The following SH3PXD2B variants were observed in gnomAD, a reference collection of about 807,000 sequenced individuals.
SH3PXD2B encodes SH3 and PX domains 2B.
Under a neutral mutation model 73.1 loss-of-function variants are expected in SH3PXD2B, and 37 were observed. The observed-to-expected ratio is 0.51, with a 90% CI of 0.39 to 0.67. SH3PXD2B has a LOEUF of 0.67. SH3PXD2B is among the 30% of genes least tolerant of loss of function. The pLI, the probability that SH3PXD2B is intolerant of heterozygous loss-of-function variation, is 0.00. For synonymous variants in SH3PXD2B, 457 were observed against 480.5 expected (o/e 0.95, Z 0.64); for missense variants, 1,053 against 1,197.8 (o/e 0.88, Z 1.78).
chr5:172,325,283 T>C, exon 13 of SH3PXD2B: 1 of 1,534,708 alleles, frequency 6.5e-7, no homozygotes, highest in Non-Finnish European at 8.7e-7. Context: ...TTCTCACATC[T>C]CCATGGAAGC....
chr5:172,413,236 C>T (rs1758742998), intron 2 of SH3PXD2B, among the ~76,000 whole-genome samples: 1 of 152,248 alleles, frequency 6.6e-6, no homozygotes, highest in African/African-American at 2.4e-5. Flanking sequence ...GGGCCCTGAA[C>T]ACAACGGTGT....
At chr5:172,373,580 G>GCATGCATC (rs1554137457) in intron 6 of SH3PXD2B, among the ~76,000 whole-genome samples, 2 of 147,778 alleles carry the variant, frequency 1.4e-5, no homozygotes, top group African/African-American at 2.5e-5. Context: ...AATCAATCAA[G>GCATGCATC]CATCCATCCA....
chr5:172,350,344 T>A lies in SH3PXD2B; in HGVS notation c.1012+19A>T. 6.2e-7 allele frequency: 1 copy of A among 1,612,160 alleles called. No homozygotes were observed. The highest frequency in any genetic ancestry group is 8.5e-7 in the Non-Finnish European group (1 of 1,179,066). ...CACAGGGGCCCTGATTATCAGGAGC[T>A]TGGGCGGGTGTCACTCACTCTGCTT... On this transcript the variant is annotated intron_variant, in intron 10 of 12. Transcript: ENST00000311601.
At chr5:172,368,444 T>C (rs1757574350) in intron 6 of SH3PXD2B, among the ~76,000 whole-genome samples, 1 of 93,340 alleles carries the variant, frequency 1.1e-5, no homozygotes, top group South Asian at 3.3e-4. Context: ...CAAGGGGAGC[T>C]AAGAATGCTT....
In SH3PXD2B at chr5:172,350,491, G is replaced by T. The variant is rs77955907; in HGVS notation, c.884C>A (p.Pro295Gln). The change falls in exon 10 of 13, where the codon CCG becomes CAG. Residue 295 changes from proline (P) to glutamine (Q), a missense_variant. Pro to Gln is a moderately conservative substitution (Grantham distance 76). This residue lies in a region of SH3PXD2B where 466 missense variants were observed against 607.1 expected (regional missense o/e 0.77). Coordinates refer to ENST00000311601, the MANE Select transcript of SH3PXD2B (RefSeq NM_001017995.3). Reference protein sequence around the residue: ...PKPGPGSPSHPGALDLDGVSR... With the variant: ...PKPGPGSPSHQGALDLDGVSR... ...AACACCATCCAAGTCAAGGGCACCCGGGTGGGAGGGTGAGCCAGGGCCTGG... is the reference window on the plus strand; with the variant it reads ...AACACCATCCAAGTCAAGGGCACCCTGGTGGGAGGGTGAGCCAGGGCCTGG... 24,342 of 1,614,132 alleles carry T rather than the reference G, an allele frequency of 0.015. 445 individuals carry two copies. Among genetic ancestry groups the T allele is most frequent in the African/African-American group, 0.078 (5,823 of 75,030 alleles).
chr5:172,430,480 C>A (rs560361056), intron 1 of SH3PXD2B, among the ~76,000 whole-genome samples: 1 of 152,348 alleles, frequency 6.6e-6, no homozygotes, highest in African/African-American at 2.4e-5. Context: ...GTGGGGAAGG[C>A]CCTGACACCC....
rs1489704768 is a variant in SH3PXD2B at position 172,338,206 on chromosome 5, G to T, written c.*163C>A. The T allele has an allele frequency of 1.3e-6, 2 of 1,516,682 alleles. No homozygotes were observed. Among genetic ancestry groups the T allele is most frequent in the Admixed American group, 2.1e-5 (1 of 47,568 alleles). 94.0% of individuals were successfully genotyped at this position (1,516,682 alleles called of 1,614,324 possible). A position where few individuals can be genotyped will look rare whatever the true frequency, so the allele number is the denominator to read the frequency against. ...GGGATCAGGCCCAGGGGCGCCCGAGGTGTCCGAAACTCACTCTCCACCCAT... is the reference window on the plus strand; with the variant it reads ...GGGATCAGGCCCAGGGGCGCCCGAGTTGTCCGAAACTCACTCTCCACCCAT... On this transcript the variant is annotated 3_prime_UTR_variant, in exon 13 of 13. Transcript: ENST00000311601. This position sits in a 1 kb window ranked among gnomAD's most constrained non-coding sequence, Gnocchi z 5.1.
chr5:172,345,090 GAAAGAAGGAGGGAAGGAAGA>G (rs1345080504), intron 12 of SH3PXD2B, among the ~76,000 whole-genome samples: 7 of 147,140 alleles, frequency 4.8e-5, no homozygotes, highest in African/African-American at 1.9e-4. Context: ...GGGAGGGAAG[GAAAGAAGGAGGGAAGGAAGA>G]AGGGAAGGAA....
rs755625941 is a variant in SH3PXD2B, at chr5:172,339,034, C to A, written c.2071G>T (p.Gly691Cys). The change falls in exon 13 of 13, where the codon GGC (glycine) becomes TGC (cysteine). Residue 691 changes from glycine to cysteine, a missense_variant. Physicochemically the swap from Gly to Cys is radical, Grantham distance 159 (BLOSUM62 -3). Coordinates refer to ENST00000311601, the MANE Select transcript of SH3PXD2B (RefSeq NM_001017995.3). This position sits in a 1 kb window ranked among gnomAD's most constrained non-coding sequence, Gnocchi z 6.1. The stretch of plus-strand genomic sequence containing the variant: ...CTTCGGCTGAAGGCCACGTCTTGGC[C>A]CCCTACTGCCTGGGGGCCCTCCCCA... ...LDGEGPQAVG[G>C]QDVAFSRSFL... The A allele has an allele frequency of 3.0e-5, 48 of 1,614,042 alleles. No homozygotes were observed. The highest frequency in any genetic ancestry group is 4.0e-5 in the Non-Finnish European group (47 of 1,179,972).
chr5:172,363,376 A>G (rs756033266), intron 6 of SH3PXD2B, among the ~76,000 whole-genome samples: 37 of 152,232 alleles, frequency 2.4e-4, no homozygotes, highest in Non-Finnish European at 4.3e-4. Flanking sequence ...AAAGAGTACA[A>G]CGGTGAATAA....
chr5:172,373,938 A>T (rs1757767341), intron 5 of SH3PXD2B, 123 bp from the exon 6 acceptor site: 2 of 1,093,534 alleles, frequency 1.8e-6, no homozygotes, highest in Non-Finnish European at 2.7e-6. Context: ...TGAATGAATA[A>T]AATCCAGGCC....
intron 4 of SH3PXD2B, among the ~76,000 whole-genome samples, chr5:172,384,458 T>C (rs1758014789): frequency 6.6e-6 from 1 of 152,104 alleles, no homozygotes. Flanking sequence ...CCGCCATCCA[T>C]CCACAGAACT....
At chr5:172,389,298 C>T (rs992251163) in intron 4 of SH3PXD2B, among the ~76,000 whole-genome samples, 1 of 151,872 alleles carries the variant, frequency 6.6e-6, no homozygotes, top group Non-Finnish European at 1.5e-5. Context: ...TCGTGATCTG[C>T]CTGCTTTGGC....
intron 10 of SH3PXD2B, among the ~76,000 whole-genome samples, chr5:172,348,630 C>G (rs112186403): frequency 1.3e-5 from 1 of 79,976 alleles, no homozygotes; most frequent in African/African-American, 6.4e-5. Flanking sequence ...ATCTATGTAT[C>G]TATCTATGTA....
downstream of SH3PXD2B, among the ~76,000 whole-genome samples, chr5:172,332,633 G>A (rs2113225490): frequency 6.6e-6 from 1 of 152,116 alleles, no homozygotes; most frequent in African/African-American, 2.4e-5. Context: ...TCTGCAAGAA[G>A]GTTGTTATAT....
rs146385561 is a variant in SH3PXD2B at position 172,346,235 on chromosome 5, C to T, written c.1089G>A (p.Pro363=). ...TIPRGLNLPK[P]PIPPQVEEEY... is the part of the protein sequence containing the mutation. Reference sequence around the variant, plus strand: ...CTTCCTCCACTTGGGGCGGGATGGGCGGCTTCGGCAGGTTGAGGCCTCGAG... The same window carrying T: ...CTTCCTCCACTTGGGGCGGGATGGGTGGCTTCGGCAGGTTGAGGCCTCGAG... The change falls in exon 12 of 13, where the codon CCG becomes CCA. Residue 363 remains proline (P), a synonymous_variant. Transcript: ENST00000311601. 499 of 1,613,954 alleles carry T rather than the reference C, an allele frequency of 3.1e-4. No homozygotes were observed. In the African/African-American group the frequency reaches 5.7e-3, roughly 18 times the overall value.
intron 4 of SH3PXD2B, among the ~76,000 whole-genome samples, chr5:172,390,340 G>C (rs982430379): frequency 1.3e-5 from 2 of 152,204 alleles, no homozygotes; most frequent in Non-Finnish European, 1.5e-5. Context: ...TTAGCATTAT[G>C]CTTTGGAGAT....
At chr5:172,364,112 A>G (rs961878996) in intron 6 of SH3PXD2B, among the ~76,000 whole-genome samples, 1 of 152,144 alleles carries the variant, frequency 6.6e-6, no homozygotes, top group African/African-American at 2.4e-5. Context: ...GCGCTAAGAC[A>G]TATCTGACAA....
downstream of SH3PXD2B, among the ~76,000 whole-genome samples, chr5:172,331,475 G>A (rs1756553536): frequency 6.6e-6 from 1 of 152,138 alleles, no homozygotes; most frequent in Admixed American, 6.6e-5. Flanking sequence ...GTTGCAAGAC[G>A]CTGAAGAATC....
Sources: gnomAD v4.1 joint callset for allele counts (sites outside exome capture counted in the v4.1 genomes callset) on GRCh38, gnomAD v4.1.1 for gene constraint, gnomAD v4.1.1 regional missense constraint, Gnocchi (gnomAD v3.1) non-coding constraint, MANE v1.5 for transcripts, NCBI Gene and HGNC (gene_info 2026-07-23, HGNC 2026-07-21) for gene names.